The following TSHR variants were observed in gnomAD, a reference collection of about 807,000 sequenced individuals.
The protein encoded by TSHR is thyrotropin receptor.
A neutral mutation model predicts 64.1 loss-of-function variants in TSHR; 51 were observed. The ratio of observed to expected loss-of-function variants is 0.80; its 90% confidence interval spans 0.64 to 1.01. The LOEUF is 1.01. Ranked by LOEUF, TSHR falls within the 50% of genes least tolerant of loss-of-function variation. The probability of loss-of-function intolerance (pLI) is 0.00; values close to 1 mark genes in which losing one functional copy is unlikely to be tolerated. For synonymous variants in TSHR, 361 were observed against 361.9 expected (o/e 1.00, Z 0.03); for missense variants, 877 against 942.8 (o/e 0.93, Z 0.91).
In TSHR at chr14:81,144,212, T is replaced by C. The variant is rs760284465; in HGVS notation, c.2154T>C (p.Asp718=). The change falls in exon 10 of 10, where the codon GAT becomes GAC. Residue 718 remains aspartate (D), a synonymous_variant. Transcript: ENST00000298171. ...GGGTTCCTCCAAAGAACAGCACTGA[T>C]ATTCAGGTTCAAAAGGTTACCCACG... ...GQRVPPKNST[D]IQVQKVTHEM... 3.3e-5 allele frequency: 54 copies of C among 1,613,510 alleles called. No homozygotes were observed. The highest frequency in any genetic ancestry group is 5.0e-5 in the Admixed American group (3 of 59,978).
rs1891852163 is a variant in TSHR, at chr14:81,144,408, G to T, written c.*55G>T. 1 of 1,570,982 alleles carries T rather than the reference G, an allele frequency of 6.4e-7. No individual in the cohort carries two copies. Among genetic ancestry groups the T allele is most frequent in the South Asian group, 1.1e-5 (1 of 89,902 alleles). ...GGAACTTACAAAATAATAGTTTCTT[G>T]AATATGCATTCCAATCCCATGACAC... is the stretch of plus-strand genomic sequence containing the variant. On this transcript the variant is annotated 3_prime_UTR_variant, in exon 10 of 10. Coordinates refer to ENST00000298171, the MANE Select transcript of TSHR (RefSeq NM_000369.5).
chr14:80,993,216 G>T (rs564022595), intron 1 of TSHR: 1 of 152,122 alleles, frequency 6.6e-6, no homozygotes, highest in Admixed American at 6.5e-5. Context: ...TCAGTAAGAA[G>T]AACTGTTCTA....
chr14:81,052,767 T>A (rs1185700281), intron 1 of TSHR: 1 of 152,192 alleles, frequency 6.6e-6, no homozygotes, highest in African/African-American at 2.4e-5. Flanking sequence ...CTTGGTTAAA[T>A]TTACTCCAGA....
intron 1 of TSHR, chr14:81,012,777 T>G (rs1005027588): frequency 1.4e-4 from 21 of 151,140 alleles, no homozygotes; most frequent in Admixed American, 2.0e-4. Context: ...CGCCCACTTT[T>G]TGATGGGGTT....
At chr14:80,984,512 T>C (rs1242475281) in intron 1 of TSHR, among the ~76,000 whole-genome samples, 2 of 152,174 alleles carry the variant, frequency 1.3e-5, no homozygotes, top group African/African-American at 4.8e-5. Flanking sequence ...GGGTAAGTAC[T>C]TTTTCCTAGA....
intron 1 of TSHR, among the ~76,000 whole-genome samples, chr14:81,059,926 G>A (rs1325830803): frequency 6.6e-6 from 1 of 152,102 alleles, no homozygotes; most frequent in Non-Finnish European, 1.5e-5. Context: ...CAAGAAACAG[G>A]TGTTATATAT....
intron 3 of TSHR, among the ~76,000 whole-genome samples, chr14:81,072,614 A>G (rs1887157029): frequency 6.6e-6 from 1 of 152,170 alleles, no homozygotes; most frequent in South Asian, 2.1e-4. Flanking sequence ...ATCAGCATTT[A>G]CATTAACTGC....
intron 1 of TSHR, among the ~76,000 whole-genome samples, chr14:81,004,257 C>G (rs952393623): frequency 1.3e-5 from 2 of 152,120 alleles, no homozygotes. Flanking sequence ...GTACCAAAAC[C>G]CTTAAAGGCA....
In TSHR at chr14:81,137,941, A is replaced by G. The variant is rs116835046; in HGVS notation, c.693-1738A>G. 6.4e-3 allele frequency among the ~76,000 whole-genome samples: 980 copies of G among 152,276 alleles called. 11 individuals carry two copies. Among genetic ancestry groups the G allele is most frequent in the African/African-American group, 0.022 (921 of 41,556 alleles). On this transcript the variant is annotated intron_variant, in intron 8 of 9. Transcript: ENST00000298171. ...GAAAGGCAACCTAAGATGCTTCCAG[A>G]AAGCTGGAATTGAAAGATGGCCACA...
At chr14:81,118,778 T>C (rs1890648066) in intron 8 of TSHR, among the ~76,000 whole-genome samples, 1 of 151,878 alleles carries the variant, frequency 6.6e-6, no homozygotes, top group Non-Finnish European at 1.5e-5. Context: ...TTTCAAACTA[T>C]ACTACAAGGC....
At chr14:81,059,449 A>G (rs1056018461) in intron 1 of TSHR, among the ~76,000 whole-genome samples, 104 of 152,284 alleles carry the variant, frequency 6.8e-4, no homozygotes, top group African/African-American at 2.5e-3. Flanking sequence ...GCACATTACT[A>G]TGAAAATATC....
At chr14:81,006,299 G>A (rs1295975217) in intron 1 of TSHR, among the ~76,000 whole-genome samples, 2 of 152,114 alleles carry the variant, frequency 1.3e-5, no homozygotes, top group African/African-American at 4.8e-5. Context: ...GAGGCTATAA[G>A]TCCAAGATCA....
intron 1 of TSHR, among the ~76,000 whole-genome samples, chr14:81,009,223 G>A (rs1022602523): frequency 2.0e-5 from 3 of 152,134 alleles, no homozygotes; most frequent in Non-Finnish European, 2.9e-5. Context: ...TTTGTCCTAT[G>A]TATGAGAAGA....
intron 1 of TSHR, among the ~76,000 whole-genome samples, chr14:81,056,150 C>A (rs1427652887): frequency 5.9e-5 from 9 of 152,116 alleles, no homozygotes; most frequent in Non-Finnish European, 1.3e-4. Context: ...CCTGCACAAG[C>A]TCTCTCTCAT....
At chr14:81,017,429 G>A (rs1883472248) in intron 1 of TSHR, among the ~76,000 whole-genome samples, 1 of 152,146 alleles carries the variant, frequency 6.6e-6, no homozygotes, top group South Asian at 2.1e-4. Flanking sequence ...AAGGAGTGGA[G>A]AGAGTGCACA....
At chr14:81,050,568 T>A (rs1885379135) in intron 1 of TSHR, 1 of 152,214 alleles carries the variant, frequency 6.6e-6, no homozygotes, top group Non-Finnish European at 1.5e-5. Context: ...GTTCACTATG[T>A]TCCTAACATT....
intron 1 of TSHR, among the ~76,000 whole-genome samples, chr14:80,972,274 A>T (rs903454074): frequency 6.6e-6 from 1 of 152,096 alleles, no homozygotes; most frequent in Non-Finnish European, 1.5e-5. Context: ...CCTTAAAAAA[A>T]CCTATCATTG....
At chr14:81,124,647 C>G (rs565573104) in intron 8 of TSHR, among the ~76,000 whole-genome samples, 8 of 152,138 alleles carry the variant, frequency 5.3e-5, no homozygotes, top group African/African-American at 1.7e-4. Context: ...AAAGGGTTGT[C>G]TCATTTTCTA....
chr14:80,968,422 A>G (rs1887427999), intron 1 of TSHR, among the ~76,000 whole-genome samples: 1 of 151,796 alleles, frequency 6.6e-6, no homozygotes, highest in East Asian at 1.9e-4. Flanking sequence ...TACAAGCCCC[A>G]TCTTCCACAG....
Sources: allele counts gnomAD v4.1 joint callset (sites outside exome capture counted in the v4.1 genomes callset), GRCh38; gene constraint gnomAD v4.1.1; transcripts MANE v1.5; gene names NCBI Gene and HGNC (gene_info 2026-07-23, HGNC 2026-07-21).